The following BRF1 variants were observed in gnomAD, a reference collection of about 807,000 sequenced individuals.
BRF1 encodes BRF1 general transcription factor IIIB subunit, also known as transcription factor IIIB 90 kDa subunit.
A neutral mutation model predicts 81.7 loss-of-function variants in BRF1; 59 were observed. The ratio of observed to expected loss-of-function variants is 0.72; its 90% confidence interval spans 0.59 to 0.90. The LOEUF is 0.90. Ranked by LOEUF, BRF1 falls within the 40% of genes least tolerant of loss-of-function variation. BRF1 has a pLI of 0.00. For synonymous variants in BRF1, 491 were observed against 395.6 expected, an observed-to-expected ratio of 1.24 and a Z score of -2.86; for missense variants, 1,050 against 936.3, an observed-to-expected ratio of 1.12 and a Z score of -1.58.
intron 10 of BRF1, among the ~76,000 whole-genome samples, chr14:105,223,451 G>C (rs587693331): frequency 1.3e-5 from 2 of 152,342 alleles, no homozygotes; most frequent in South Asian, 4.1e-4. Context: ...CACACCCTCA[G>C]CGTGCTGAAG....
rs939097619 is a variant in BRF1, at chr14:105,278,922, T to A, written c.266-6028A>T. ...AGCCGGGCATGGTGGTGCACACCTG[T>A]AATCCCAGCTACTCGGGAGGCTAAG... On this transcript the variant is annotated intron_variant, in intron 2 of 17. Transcript: ENST00000547530. Among the ~76,000 whole-genome samples the A allele has an allele frequency of 2.6e-5, 4 of 152,082 alleles. No homozygotes were observed. The East Asian group carries it at 7.7e-4, about 29-fold the overall frequency.
Position 105,217,549 on chromosome 14 carries a change from C to T in BRF1, c.1767G>A (p.Gly589=), listed in dbSNP as rs1891538599. The change falls in exon 15 of 18, where the codon GGG becomes GGA. Residue 589 remains glycine (G), a synonymous_variant. Transcript: ENST00000547530. ...RSGADPVTSV[G]KRLRPLVSTQ... is the part of the protein sequence containing the mutation. ...CACTCAGGACAGGATGGTACCTTTT[C>T]CCCACACTGGTCACAGGGTCAGCCC... 1 of 1,612,904 alleles carries T rather than the reference C, an allele frequency of 6.2e-7. No individual in the cohort carries two copies. The highest frequency in any genetic ancestry group is 1.3e-5 in the African/African-American group (1 of 74,934).
At chr14:105,214,958 AC>A (rs1040462724) in intron 15 of BRF1, among the ~76,000 whole-genome samples, 2 of 151,930 alleles carry the variant, frequency 1.3e-5, no homozygotes, top group African/African-American at 4.8e-5. Context: ...CCCCAGGTAG[AC>A]CCCCTCTCCC....
chr14:105,229,637 T>TG (rs1258400736), intron 6 of BRF1, among the ~76,000 whole-genome samples: 4 of 151,020 alleles, frequency 2.6e-5, no homozygotes, highest in Admixed American at 2.6e-4. Context: ...GTCGCCCAGC[T>TG]GGGGGCGGGG....
intron 6 of BRF1, among the ~76,000 whole-genome samples, chr14:105,229,440 G>C (rs995499806): frequency 1.3e-5 from 2 of 152,244 alleles, no homozygotes; most frequent in East Asian, 1.9e-4. Context: ...GCCGGGTAGA[G>C]TGGACTCTGT....
chr14:105,288,048 G>A (rs1661945999), intron 1 of BRF1, among the ~76,000 whole-genome samples: 2 of 152,214 alleles, frequency 1.3e-5, no homozygotes, highest in Non-Finnish European at 1.5e-5. Flanking sequence ...CAACAAAGGT[G>A]GTGCCGGGAC....
chr14:105,249,450 G>C (rs2055439670), intron 5 of BRF1: 1 of 1,613,510 alleles, frequency 6.2e-7, no homozygotes, highest in Admixed American at 1.7e-5. Flanking sequence ...TCCAGACGTG[G>C]AGCCCGCAGC....
Position 105,315,082 on chromosome 14 carries a change from G to T in BRF1, c.-162+240C>A. 9.3e-7 allele frequency: 1 copy of T among 1,073,052 alleles called. No individual in the cohort carries two copies. The highest frequency in any genetic ancestry group is 1.1e-6 in the Non-Finnish European group (1 of 880,016). 66.5% of individuals were successfully genotyped at this position (1,073,052 alleles called of 1,614,324 possible). A position where few individuals can be genotyped will look rare whatever the true frequency, so the allele number is the denominator to read the frequency against. ...CTTTGTTCCCGCCGGGCACCTGCTGGGGGTGTCCTGGCCGCGGCCTCTGCG... is the reference window on the plus strand; with the variant it reads ...CTTTGTTCCCGCCGGGCACCTGCTGTGGGTGTCCTGGCCGCGGCCTCTGCG... On this transcript the variant is annotated intron_variant, in intron 1 of 17. Transcript: ENST00000327359. The surrounding 1 kb of genome is among the most constrained non-coding windows in gnomAD (Gnocchi z 4.4).
In BRF1 at chr14:105,256,819, C is replaced by T. The variant is rs78240048; in HGVS notation, c.440-270G>A. 5.3e-3 allele frequency among the ~76,000 whole-genome samples: 807 copies of T among 152,270 alleles called. 10 individuals are homozygous for T. Among genetic ancestry groups the T allele is most frequent in the South Asian group, 0.048 (234 of 4,830 alleles). ...GACTGCAAGGAACCTGGAGCCGGGT[C>T]GGGGGAACCAGAAACGGTGGGGGCT... On this transcript the variant is annotated intron_variant, in intron 3 of 17. Coordinates refer to ENST00000547530, the MANE Select transcript of BRF1 (RefSeq NM_001519.4).
At position 105,248,375 on chromosome 14, in the gene BRF1, G is replaced by A. The variant is rs587733929; in HGVS notation, c.544+4132C>T. 184 of 985,500 alleles carry A rather than the reference G, an allele frequency of 1.9e-4. No homozygotes were observed. The African/African-American group carries it at 2.9e-3, about 16-fold the overall frequency. 61.0% of individuals were successfully genotyped at this position (985,500 alleles called of 1,614,324 possible). A position where few individuals can be genotyped will look rare whatever the true frequency, so the allele number is the denominator to read the frequency against. On this transcript the variant is annotated intron_variant, in intron 5 of 17. Transcript: ENST00000547530. ...TGCGCATGGCACTGCGGGTCTGGGGGCGGCCGCCTGCCAGCGCCGGGAGCC... is the reference window on the plus strand; with the variant it reads ...TGCGCATGGCACTGCGGGTCTGGGGACGGCCGCCTGCCAGCGCCGGGAGCC...
At chr14:105,311,859 C>T (rs781362554) in intron 1 of BRF1, among the ~76,000 whole-genome samples, 45 of 152,326 alleles carry the variant, frequency 3.0e-4, no homozygotes, top group Middle Eastern at 3.4e-3. Flanking sequence ...TCAGTCATGG[C>T]CATGTGCTCC....
intron 4 of BRF1, 164 bp downstream of exon 4, chr14:105,256,354 A>G: frequency 6.4e-7 from 1 of 1,563,258 alleles, no homozygotes; most frequent in Non-Finnish European, 8.7e-7. Flanking sequence ...CCATGTCATG[A>G]AGGCCCCTCA....
Position 105,226,278 on chromosome 14 carries a change from G to A in BRF1, c.928C>T (p.Leu310=), listed in dbSNP as rs1893070222. 5 of 1,613,942 alleles carry A rather than the reference G, an allele frequency of 3.1e-6. No homozygotes were observed. Among genetic ancestry groups the A allele is most frequent in the African/African-American group, 1.3e-5 (1 of 74,926 alleles). The change falls in exon 9 of 18, where the codon CTG becomes TTG. Residue 310 remains leucine (L), a synonymous_variant. Transcript: ENST00000547530. Reference sequence around the variant, plus strand: ...TCAACCTCCTCCAGTTTTTTTGACAGGACTTGTTCAAGCTGAAAGGGAACA... The same window carrying A: ...TCAACCTCCTCCAGTTTTTTTGACAAGACTTGTTCAAGCTGAAAGGGAACA... The part of the protein sequence containing the change: ...KLRMKQLEQV[L]SKKLEEVEGE...
intron 5 of BRF1, among the ~76,000 whole-genome samples, chr14:105,243,862 G>T (rs886067814): frequency 6.6e-6 from 1 of 151,832 alleles, no homozygotes; most frequent in Admixed American, 6.6e-5. Context: ...TGGGGGTGGT[G>T]GTGTGCGCCT....
At position 105,210,546 on chromosome 14, in the gene BRF1, A is replaced by G; in HGVS notation, c.*5T>C. On this transcript the variant is annotated 3_prime_UTR_variant, in exon 18 of 18. Coordinates refer to ENST00000547530, the MANE Select transcript of BRF1 (RefSeq NM_001519.4). The surrounding 1 kb of genome is among the most constrained non-coding windows in gnomAD (Gnocchi z 4.7). ...CCAGGACATCACCTGCCTGGAGGCC[A>G]CACTTCAGTAGCCGTCGTCCTCATC... 1 of 1,611,020 alleles carries G rather than the reference A, an allele frequency of 6.2e-7. No homozygotes were observed. Among genetic ancestry groups the G allele is most frequent in the Non-Finnish European group, 8.5e-7 (1 of 1,179,870 alleles).
At chr14:105,265,008 G>A (rs182997786) in intron 3 of BRF1, among the ~76,000 whole-genome samples, 30 of 151,364 alleles carry the variant, frequency 2.0e-4, no homozygotes, top group African/African-American at 6.3e-4. Flanking sequence ...TGTCTCCAAC[G>A]TAGACAAAAG....
Position 105,269,925 on chromosome 14 carries a change from T to C in BRF1, c.439+2796A>G, listed in dbSNP as rs937176427. ...GCCATGGGCTGACCCTGGGCTCTGCTCAGCTTCTCGCTCAGGACCTTGGTC... is the reference window on the plus strand; with the variant it reads ...GCCATGGGCTGACCCTGGGCTCTGCCCAGCTTCTCGCTCAGGACCTTGGTC... On this transcript the variant is annotated intron_variant, in intron 3 of 17. Coordinates refer to ENST00000547530, the MANE Select transcript of BRF1 (RefSeq NM_001519.4). This position sits in a 1 kb window ranked among gnomAD's most constrained non-coding sequence, Gnocchi z 5.0. Among the ~76,000 whole-genome samples, 6 of 152,134 alleles carry C rather than the reference T, an allele frequency of 3.9e-5. No individual in the cohort carries two copies. Among genetic ancestry groups the C allele is most frequent in the Admixed American group, 1.3e-4 (2 of 15,286 alleles).
chr14:105,248,526 CCCTGACGCAG>C, intron 5 of BRF1: 1 of 964,212 alleles, frequency 1.0e-6, no homozygotes, highest in African/African-American at 1.8e-5. Flanking sequence ...CGGGGCGCGG[CCCTGACGCAG>C]CGTGACGCAC....
At chr14:105,243,698 T>A (rs916558871) in intron 5 of BRF1, among the ~76,000 whole-genome samples, 6 of 152,024 alleles carry the variant, frequency 3.9e-5, no homozygotes, top group African/African-American at 1.4e-4. Flanking sequence ...TCAAAAACAC[T>A]GGTAAATATA....
Sources: gnomAD v4.1 joint callset for allele counts (sites outside exome capture counted in the v4.1 genomes callset) on GRCh38, gnomAD v4.1.1 for gene constraint, Gnocchi (gnomAD v3.1) non-coding constraint, MANE v1.5 for transcripts, NCBI Gene and HGNC (gene_info 2026-07-23, HGNC 2026-07-21) for gene names.